The following NRXN2 variants were observed in gnomAD, a reference collection of about 807,000 sequenced individuals.
NRXN2 encodes the protein neurexin 2.
NRXN2 carries 29 observed loss-of-function variants against 128.8 expected under a neutral mutation model. The ratio of observed to expected loss-of-function variants is 0.23; its 90% CI spans 0.17 to 0.31. NRXN2 has a LOEUF of 0.31. Among genes scored for constraint, NRXN2 ranks in the 10% least tolerant of loss-of-function variants. NRXN2 has a pLI of 1.00. For missense variants in NRXN2, 1,881 were observed against 2,452.6 expected (o/e 0.77, Z 4.92); for synonymous variants, 1,098 against 1,075.2 (o/e 1.02, Z -0.41).
chr11:64,701,242 G>A (rs968501468), intron 2 of NRXN2, among the ~76,000 whole-genome samples: 8 of 152,174 alleles, frequency 5.3e-5, no homozygotes, highest in African/African-American at 1.9e-4. Context: ...AGTGCCTGTA[G>A]GTTAAAGTCG....
In NRXN2 at chr11:64,632,015, A is replaced by C. The variant is rs548947574; in HGVS notation, c.3586-1442T>G. ...TGGGGTCTTCTTGAAAGACTGCCCC[A>C]GTCTGGCCTGGACATGTGGAACATT... On this transcript the variant is annotated intron_variant, in intron 18 of 22. Transcript: ENST00000265459. The surrounding 1 kb of genome is among the most constrained non-coding windows in gnomAD (Gnocchi z 4.2). Among the ~76,000 whole-genome samples, 2 of 152,358 alleles carry C rather than the reference A, an allele frequency of 1.3e-5. No homozygotes were observed. Among genetic ancestry groups the C allele is most frequent in the Non-Finnish European group, 2.9e-5 (2 of 68,036 alleles).
At position 64,622,696 on chromosome 11, in the gene NRXN2, A is replaced by G; in HGVS notation, c.4173+57T>C. 1.3e-6 allele frequency: 2 copies of G among 1,569,810 alleles called. No homozygotes were observed. The highest frequency in any genetic ancestry group is 2.3e-5 in the South Asian group (2 of 86,614). ...GCACCACTACTGTGGCTATGCAGATATCAACCCCATCCCCACCTATCCCTG... is the reference window on the plus strand; with the variant it reads ...GCACCACTACTGTGGCTATGCAGATGTCAACCCCATCCCCACCTATCCCTG... On this transcript the variant is annotated intron_variant, in intron 21 of 22. Coordinates refer to ENST00000265459, the MANE Select transcript of NRXN2 (RefSeq NM_015080.4). This position sits in a 1 kb window ranked among gnomAD's most constrained non-coding sequence, Gnocchi z 4.3.
At chr11:64,717,857 C>T (rs186970890) in intron 1 of NRXN2, among the ~76,000 whole-genome samples, 1 of 152,312 alleles carries the variant, frequency 6.6e-6, no homozygotes, top group East Asian at 1.9e-4. Flanking sequence ...GGCTCCAAGG[C>T]ATTTCTTTTC....
chr11:64,651,182 A>C lies in NRXN2; in HGVS notation c.2918+73T>G. 1 of 1,598,802 alleles carries C rather than the reference A, an allele frequency of 6.3e-7. No homozygotes were observed. Among genetic ancestry groups the C allele is most frequent in the Non-Finnish European group, 8.5e-7 (1 of 1,171,394 alleles). On this transcript the variant is annotated intron_variant, in intron 14 of 22. Coordinates refer to ENST00000265459, the MANE Select transcript of NRXN2 (RefSeq NM_015080.4). This position sits in a 1 kb window ranked among gnomAD's most constrained non-coding sequence, Gnocchi z 5.9. ...GGATTGGACACCTCGGCCAGTAGCC[A>C]GGAGAGCTGTATGTGGTTCAGCAGG...
intron 7 of NRXN2, chr11:64,676,711 C>T: frequency 1.8e-6 from 1 of 541,384 alleles, no homozygotes; most frequent in Admixed American, 3.2e-5. Context: ...TCTCTCTGGC[C>T]AGGAATCTGA....
intron 9 of NRXN2, among the ~76,000 whole-genome samples, chr11:64,666,432 C>T (rs1220366127): frequency 6.6e-6 from 1 of 152,110 alleles, no homozygotes; most frequent in African/African-American, 2.4e-5. Context: ...AAACTCCTGA[C>T]CTCAAATGAT....
At chr11:64,611,166 T>C (rs2135269820) in intron 22 of NRXN2, among the ~76,000 whole-genome samples, 1 of 152,254 alleles carries the variant, frequency 6.6e-6, no homozygotes, top group Middle Eastern at 3.4e-3. Context: ...GGGAGTAATA[T>C]TCCTCAGGCA....
At chr11:64,704,651 G>GAGAGAT in intron 2 of NRXN2, among the ~76,000 whole-genome samples, 1 of 151,092 alleles carries the variant, frequency 6.6e-6, no homozygotes, top group African/African-American at 2.4e-5. Context: ...GAGAGAGAGA[G>GAGAGAT]AGAGAGAGAG....
rs574266377 is a variant in NRXN2 at position 64,665,174 on chromosome 11, G to A, written c.1798+2076C>T. ...CACTCGCCTGTAGTCCCAGCTACTC[G>A]GGAGGCTGAGGCAGGAGAATTGCTT... is the stretch of plus-strand genomic sequence containing the variant. On this transcript the variant is annotated intron_variant, in intron 9 of 22. Coordinates refer to ENST00000265459, the MANE Select transcript of NRXN2 (RefSeq NM_015080.4). Among the ~76,000 whole-genome samples the A allele has an allele frequency of 2.2e-4, 33 of 151,716 alleles. No homozygotes were observed. In the South Asian group the frequency reaches 6.0e-3, roughly 28 times the overall value.
intron 2 of NRXN2, among the ~76,000 whole-genome samples, chr11:64,702,901 A>T (rs926527140): frequency 1.8e-4 from 27 of 149,066 alleles, no homozygotes; most frequent in Non-Finnish European, 3.7e-4. Context: ...GAAATAGAGG[A>T]TCATTTGAGC....
At chr11:64,668,694 A>T (rs995221709) in intron 7 of NRXN2, 90 bp from the exon 8 acceptor site, 2 of 1,449,184 alleles carry the variant, frequency 1.4e-6, no homozygotes, top group Non-Finnish European at 9.6e-7. Context: ...GAGGGGCCAG[A>T]GGGCAGCAGG....
At chr11:64,626,230 A>C (rs1225567025) in intron 20 of NRXN2, among the ~76,000 whole-genome samples, 1 of 152,084 alleles carries the variant, frequency 6.6e-6, no homozygotes, top group Non-Finnish European at 1.5e-5. Context: ...AAAGAGAACA[A>C]GACTCTCCCT....
At chr11:64,650,337 A>G (rs1303049130) in intron 15 of NRXN2, 111 bp downstream of exon 15, 1 of 1,108,756 alleles carries the variant, frequency 9.0e-7, no homozygotes, top group Non-Finnish European at 1.4e-6. Flanking sequence ...AGAGAGGTGG[A>G]AACTGGGGGC....
chr11:64,642,554 T>A, intron 17 of NRXN2: 2 of 1,608,446 alleles, frequency 1.2e-6, no homozygotes, highest in Non-Finnish European at 1.7e-6. Flanking sequence ...CCGCCGCGGG[T>A]GAGGAAGGGC....
intron 2 of NRXN2, chr11:64,712,671 A>C: frequency 1.7e-6 from 1 of 577,458 alleles, no homozygotes. Context: ...ACGGGGCTTC[A>C]TGCACCCCAC....
intron 19 of NRXN2, among the ~76,000 whole-genome samples, chr11:64,628,233 G>A (rs182990330): frequency 2.8e-4 from 42 of 152,272 alleles, no homozygotes; most frequent in Admixed American, 1.2e-3. Context: ...TCACCTTTCC[G>A]AAGTGGAAAC....
intron 11 of NRXN2, among the ~76,000 whole-genome samples, chr11:64,658,421 C>T (rs906272554): frequency 6.6e-6 from 1 of 152,178 alleles, no homozygotes; most frequent in African/African-American, 2.4e-5. Flanking sequence ...TGTCTCCCAG[C>T]CTGCTTTCCC....
chr11:64,618,292 C>G (rs767644216), intron 22 of NRXN2, among the ~76,000 whole-genome samples: 2 of 152,202 alleles, frequency 1.3e-5, no homozygotes, highest in Non-Finnish European at 2.9e-5. Context: ...GTGTGCACTG[C>G]ATGCCCCTAC....
chr11:64,642,550 C>T (rs1015100334), intron 17 of NRXN2: 2 of 1,608,922 alleles, frequency 1.2e-6, no homozygotes, highest in Non-Finnish European at 1.7e-6. Context: ...GTGGCCGCCG[C>T]GGGTGAGGAA....
Sources: gnomAD v4.1 joint callset for allele counts (sites outside exome capture counted in the v4.1 genomes callset) on GRCh38, gnomAD v4.1.1 for gene constraint, Gnocchi (gnomAD v3.1) non-coding constraint, MANE v1.5 for transcripts, NCBI Gene and HGNC (gene_info 2026-07-23, HGNC 2026-07-21) for gene names.